The following SMC3 variants were observed in gnomAD, a reference collection of about 807,000 sequenced individuals.
SMC3 encodes structural maintenance of chromosomes 3.
SMC3 carries 20 observed loss-of-function variants against 171.8 expected under a neutral mutation model. The ratio of observed to expected loss-of-function variants is 0.12; its 90% CI spans 0.08 to 0.17. The LOEUF is 0.17. SMC3 is among the 10% of genes least tolerant of loss of function. The pLI is 1.00. For missense variants in SMC3, 543 were observed against 1,420.4 expected (o/e 0.38, Z 9.93); for synonymous variants, 464 against 451.1 (o/e 1.03, Z -0.36).
rs1374693453 is a variant in SMC3 at position 110,585,963 on chromosome 10, A to G, written c.1305+1567A>G. 4.0e-5 allele frequency among the ~76,000 whole-genome samples: 6 copies of G among 151,870 alleles called. No individual in the cohort carries two copies. In the East Asian group the frequency reaches 1.2e-3, roughly 30 times the overall value. ...CAGGCACATGCCACCACGCCTGGCTAATTTTTTGTATTTTTAGTAGAATGG... is the reference window on the plus strand; with the variant it reads ...CAGGCACATGCCACCACGCCTGGCTGATTTTTTGTATTTTTAGTAGAATGG... On this transcript the variant is annotated intron_variant, in intron 13 of 28. Transcript: ENST00000361804.
At position 110,577,970 on chromosome 10, in the gene SMC3, G is replaced by T. The variant is rs565006781; in HGVS notation, c.350+56G>T. 3.7e-4 allele frequency: 444 copies of T among 1,195,764 alleles called. 5 individuals carry two copies. The South Asian group carries it at 4.6e-3, about 12-fold the overall frequency. The allele number at this position is 1,195,764 out of a possible 1,614,324, so 74.1% of individuals were successfully genotyped here. ...GAATATGTACTTAAATAGAGATGGG[G>T]TATTGCTGTGTTGGCCAGGTTGGTC... On this transcript the variant is annotated intron_variant, in intron 6 of 28. Transcript: ENST00000361804.
intron 28 of SMC3, 62 bp from the exon 29 acceptor site, chr10:110,604,169 C>T: frequency 2.3e-6 from 2 of 887,432 alleles, no homozygotes; most frequent in East Asian, 2.7e-5. Context: ...TATATATTTA[C>T]CCTATACAAT....
intron 16 of SMC3, 118 bp downstream of exon 16, chr10:110,590,690 A>G: frequency 1.1e-6 from 1 of 869,708 alleles, no homozygotes; most frequent in East Asian, 2.6e-5. Flanking sequence ...TCGGTTCCTT[A>G]ACTTTCTAAT....
intron 13 of SMC3, among the ~76,000 whole-genome samples, chr10:110,588,520 C>G (rs1298558427): frequency 1.3e-5 from 2 of 152,170 alleles, no homozygotes; most frequent in Non-Finnish European, 2.9e-5. Flanking sequence ...TGAAGCCCTT[C>G]CCCTGAAGGA....
At chr10:110,602,767 G>A in intron 26 of SMC3, 58 bp from the exon 27 acceptor site, 1 of 1,581,990 alleles carries the variant, frequency 6.3e-7, no homozygotes, top group Non-Finnish European at 8.7e-7. Flanking sequence ...AGTTACTTTT[G>A]AAAGATGGTG....
At chr10:110,571,791 TTTTTAAATAAAAATGGGTTC>T in intron 2 of SMC3, among the ~76,000 whole-genome samples, 1 of 13,918 alleles carries the variant, frequency 7.2e-5, no homozygotes. Flanking sequence ...AATGGGTTCA[TTTTTAAATAAAAATGGGTTC>T]ATTTTTAAAT....
intron 2 of SMC3, among the ~76,000 whole-genome samples, chr10:110,571,409 A>G (rs1406798711): frequency 1.3e-5 from 2 of 152,238 alleles, no homozygotes; most frequent in Non-Finnish European, 2.9e-5. Context: ...TACCTTAGAA[A>G]GGTCAGATGA....
chr10:110,570,579 A>G (rs1860855929), intron 2 of SMC3, among the ~76,000 whole-genome samples: 1 of 152,248 alleles, frequency 6.6e-6, no homozygotes. Flanking sequence ...AAATGTAGAA[A>G]AATAAGAATT....
chr10:110,575,268 G>A (rs1860930822), intron 3 of SMC3, 68 bp from the exon 4 acceptor site: 2 of 1,085,570 alleles, frequency 1.8e-6, no homozygotes, highest in Admixed American at 1.7e-5. Flanking sequence ...CTATTGAGGT[G>A]TGGGAAGTTA....
chr10:110,568,112 G>T (rs1022068524), intron 1 of SMC3, among the ~76,000 whole-genome samples: 2 of 152,086 alleles, frequency 1.3e-5, no homozygotes, highest in South Asian at 4.1e-4. Flanking sequence ...CGGGCGGGCC[G>T]CTGGGAGGGA....
chr10:110,594,106 T>C (rs1861254626), intron 18 of SMC3, among the ~76,000 whole-genome samples: 2 of 6,574 alleles, frequency 3.0e-4, no homozygotes, highest in Non-Finnish European at 1.4e-3. Context: ...TGAAATGTGA[T>C]CATATAGCAG....
chr10:110,605,518 C>G lies in SMC3; in HGVS notation c.*1216C>G, dbSNP rs1861454767. Among the ~76,000 whole-genome samples, 1 of 152,010 alleles carries G rather than the reference C, an allele frequency of 6.6e-6. No homozygotes were observed. Among genetic ancestry groups the G allele is most frequent in the African/African-American group, 2.4e-5 (1 of 41,374 alleles). ...CTTCCATCATTGGAAACCAGAAATACCTAAAGAGATACTTTTAAAATAAAG... is the reference window on the plus strand; with the variant it reads ...CTTCCATCATTGGAAACCAGAAATAGCTAAAGAGATACTTTTAAAATAAAG... On this transcript the variant is annotated 3_prime_UTR_variant, in exon 29 of 29. Transcript: ENST00000361804.
Position 110,567,847 on chromosome 10 carries a change from C to T in SMC3, c.15+16C>T, listed in dbSNP as rs757943420. 5 of 1,613,356 alleles carry T rather than the reference C, an allele frequency of 3.1e-6. No individual in the cohort carries two copies. The highest frequency in any genetic ancestry group is 1.1e-5 in the South Asian group (1 of 91,068). On this transcript the variant is annotated intron_variant, in intron 1 of 28. Transcript: ENST00000361804. ...CATAAAGCAGGTAAGGCCTTCGCGT[C>T]CCTCCACCCCGTCATGGGCCGGTAA...
intron 23 of SMC3, among the ~76,000 whole-genome samples, chr10:110,601,348 TTTG>T (rs1429241432): frequency 3.3e-5 from 5 of 152,220 alleles, no homozygotes; most frequent in Admixed American, 3.3e-4. Flanking sequence ...AATGATTCAT[TTTG>T]TTGATAAAAT....
chr10:110,569,103 A>G, intron 2 of SMC3, 90 bp downstream of exon 2: 1 of 851,772 alleles, frequency 1.2e-6, no homozygotes, highest in Non-Finnish European at 2.0e-6. Flanking sequence ...AGGAGACAGG[A>G]ATTGTCTTTG....
intron 7 of SMC3, 29 bp from the exon 8 acceptor site, chr10:110,580,875 T>C (rs754546601): frequency 1.6e-5 from 19 of 1,157,144 alleles, no homozygotes; most frequent in Non-Finnish European, 2.4e-5. Context: ...GCTACAGCTA[T>C]GTAATGATTA....
At chr10:110,596,624 TTTG>T in intron 19 of SMC3, 74 bp downstream of exon 19, 1 of 1,421,416 alleles carries the variant, frequency 7.0e-7, no homozygotes, top group Non-Finnish European at 9.6e-7. Context: ...TATATAATCT[TTTG>T]TTTTTTCACA....
Position 110,602,186 on chromosome 10 carries a change from T to C in SMC3, c.3105+8T>C. ...CAGTTAACTTTCAAACAGGTATGTT[T>C]CGCTTTGTAGTTAAAACATACACAC... On this transcript the variant is annotated splice_region_variant and intron_variant, in intron 25 of 28. Transcript: ENST00000361804. The C allele has an allele frequency of 1.2e-6, 2 of 1,609,118 alleles. No homozygotes were observed.
At position 110,567,788 on chromosome 10, in the gene SMC3, G is replaced by A. The variant is rs1324270509; in HGVS notation, c.-29G>A. ...CCGTGCGGTTGCTGCTCCGGGGCAG[G>A]TCTCCTTCCAGGCCAGGGGCCCGGA... On this transcript the variant is annotated 5_prime_UTR_variant, in exon 1 of 29. Coordinates refer to ENST00000361804, the MANE Select transcript of SMC3 (RefSeq NM_005445.4). The A allele has an allele frequency of 6.2e-7, 1 of 1,613,372 alleles. No homozygotes were observed. The highest frequency in any genetic ancestry group is 8.5e-7 in the Non-Finnish European group (1 of 1,179,778).
Sources: gnomAD v4.1 joint callset for allele counts (sites outside exome capture counted in the v4.1 genomes callset) on GRCh38, gnomAD v4.1.1 for gene constraint, MANE v1.5 for transcripts, NCBI Gene and HGNC (gene_info 2026-07-23, HGNC 2026-07-21) for gene names.